The following BET1 variants were observed in gnomAD, a reference collection of about 807,000 sequenced individuals.
The protein encoded by BET1 is Bet1 golgi vesicular membrane trafficking protein.
A neutral mutation model predicts 13.9 loss-of-function variants in BET1; 9 were observed. The ratio of observed to expected loss-of-function variants is 0.65; its 90% CI spans 0.39 to 1.13. The LOEUF (loss-of-function observed/expected upper bound fraction) is 1.13, where lower values mean the gene tolerates loss of function less well. Ranked by LOEUF, BET1 falls within the 50% of genes most tolerant of loss-of-function variation. The pLI is 0.01. For synonymous variants in BET1, 39 were observed against 47.3 expected (o/e 0.82, Z 0.72); for missense variants, 127 against 133.6 (o/e 0.95, Z 0.24).
At chr7:94,000,271 A>ATT (rs35875914) in intron 1 of BET1, 116 of 142,642 alleles carry the variant, frequency 8.1e-4, no homozygotes, top group African/African-American at 2.5e-3. Context: ...CACCTGGCTA[A>ATT]TTTTTTTTTT....
At chr7:93,993,111 C>T (rs968521984), downstream of BET1, 21 of 980,860 alleles carry the variant, frequency 2.1e-5, no homozygotes, top group Middle Eastern at 1.0e-3. Context: ...GAAATAGAGT[C>T]AAGATTTGCT....
Position 93,994,063 on chromosome 7 carries a change from G to T in BET1, c.*167C>A, listed in dbSNP as rs1047737178. 4.8e-6 allele frequency: 7 copies of T among 1,454,468 alleles called. No homozygotes were observed. In the East Asian group the frequency reaches 9.9e-5, roughly 21 times the overall value. The allele number at this position is 1,454,468 out of a possible 1,614,324, so 90.1% of individuals were successfully genotyped here. A position where few individuals can be genotyped will look rare whatever the true frequency, so the allele number is the denominator to read the frequency against. On this transcript the variant is annotated 3_prime_UTR_variant, in exon 4 of 4. Transcript: ENST00000222547. ...GAGTCATTAAGAAACAGTATTCAAA[G>T]ACCACTGTATTAACTAATGTGATTT... is the stretch of plus-strand genomic sequence containing the variant.
downstream of BET1, among the ~76,000 whole-genome samples, chr7:93,988,422 G>A (rs772562604): frequency 8.5e-5 from 13 of 152,130 alleles, no homozygotes; most frequent in Admixed American, 3.9e-4. Context: ...CATAGCAGAT[G>A]CTACAGTTTA....
chr7:93,977,585 A>C (rs988810628), intron 4 of BET1, among the ~76,000 whole-genome samples: 2 of 152,130 alleles, frequency 1.3e-5, no homozygotes, highest in Admixed American at 6.6e-5. Flanking sequence ...ACTCACTTCT[A>C]TCTGGCACAA....
intron 4 of BET1, among the ~76,000 whole-genome samples, chr7:93,985,600 A>AAACTGTATTGTAATGTATTCAAACTG (rs1795511702): frequency 6.6e-6 from 1 of 151,946 alleles, no homozygotes; most frequent in Non-Finnish European, 1.5e-5. Flanking sequence ...TATTCAAACT[A>AAACTGTATTGTAATGTATTCAAACTG]TATTGTAATG....
At chr7:93,976,236 G>T (rs970771711) in intron 4 of BET1, 2 of 599,128 alleles carry the variant, frequency 3.3e-6, no homozygotes, top group East Asian at 7.1e-5. Flanking sequence ...TTAATGGAAG[G>T]CTTATGTGAT....
Position 93,993,403 on chromosome 7 carries a change from T to A in BET1, c.*827A>T. The stretch of plus-strand genomic sequence containing the variant: ...AAACAAATACACTGGATTAAAGCAA[T>A]AATACTCTTATCTTCAAGTTCAATG... On this transcript the variant is annotated 3_prime_UTR_variant, in exon 4 of 4. Coordinates refer to ENST00000222547, the MANE Select transcript of BET1 (RefSeq NM_005868.6). The A allele has an allele frequency of 1.0e-6, 1 of 982,602 alleles. No individual in the cohort carries two copies. Among genetic ancestry groups the A allele is most frequent in the Non-Finnish European group, 1.2e-6 (1 of 826,940 alleles). 60.9% of individuals were successfully genotyped at this position (982,602 alleles called of 1,614,324 possible). A position where few individuals can be genotyped will look rare whatever the true frequency, so the allele number is the denominator to read the frequency against.
chr7:93,994,252 TA>T lies in BET1; in HGVS notation c.334del (p.Tyr112IlefsTer6). On this transcript the variant is annotated frameshift_variant, in exon 4 of 4. Coordinates refer to ENST00000222547, the MANE Select transcript of BET1 (RefSeq NM_005868.6). LOFTEE classifies it high-confidence loss of function. ...LFSLFVFFII[Y>X]WIIKLR Reference sequence around the variant, plus strand: ...GCATCACCTCAGTTTAATAATCCAATAAATGATAAAAAAGACAAATAAAGAA... The same window carrying T: ...GCATCACCTCAGTTTAATAATCCAATAATGATAAAAAAGACAAATAAAGAA... 1 of 1,607,864 alleles carries T rather than the reference TA, an allele frequency of 6.2e-7. No individual in the cohort carries two copies. The highest frequency in any genetic ancestry group is 1.1e-5 in the South Asian group (1 of 89,108).
rs1562798428 is a variant in BET1 at position 93,966,604 on chromosome 7, C to CAAAAGAGG, written c.*138-918_*138-917insCCTCTTTT. Among the ~76,000 whole-genome samples the CAAAAGAGG allele has an allele frequency of 2.1e-5, 3 of 142,608 alleles. No homozygotes were observed. The East Asian group carries it at 6.1e-4, about 29-fold the overall frequency. The allele number at this position is 142,608 out of a possible 152,430, so 93.6% of individuals were successfully genotyped here. On this transcript the variant is annotated intron_variant and NMD_transcript_variant, in intron 6 of 6. Coordinates refer to the BET1 transcript ENST00000357520. ...GACGGAGGTACCAGGAAAAATTCCT[C>CAAAAGAGG]TTTTTTTTTTTTTGGTGGGAGATAG...
At position 93,993,483 on chromosome 7, in the gene BET1, C is replaced by T. The variant is rs1256865730; in HGVS notation, c.*747G>A. 1 of 981,846 alleles carries T rather than the reference C, an allele frequency of 1.0e-6. No homozygotes were observed. Among genetic ancestry groups the T allele is most frequent in the Non-Finnish European group, 1.2e-6 (1 of 824,674 alleles). 60.8% of individuals were successfully genotyped at this position (981,846 alleles called of 1,614,324 possible). On this transcript the variant is annotated 3_prime_UTR_variant, in exon 4 of 4. Transcript: ENST00000222547. ...AAAGTTCAGTAATTACTTAACTTCA[C>T]ATTATTCTGTCACAAATGATAAATG...
chr7:93,978,533 T>A (rs1415050349), intron 4 of BET1, among the ~76,000 whole-genome samples: 4 of 152,220 alleles, frequency 2.6e-5, no homozygotes, highest in African/African-American at 9.6e-5. Flanking sequence ...TGTTAGAGTT[T>A]CTGAACTCTG....
chr7:93,993,755 A>C lies in BET1; in HGVS notation c.*475T>G. Reference sequence around the variant, plus strand: ...ATCAGCCTACAATTTTAACTAAATAAAGGAGGAGAAGGGAGTATATCATTA... The same window carrying C: ...ATCAGCCTACAATTTTAACTAAATACAGGAGGAGAAGGGAGTATATCATTA... On this transcript the variant is annotated 3_prime_UTR_variant, in exon 4 of 4. Coordinates refer to ENST00000222547, the MANE Select transcript of BET1 (RefSeq NM_005868.6). 7.4e-7 allele frequency: 1 copy of C among 1,356,008 alleles called. No homozygotes were observed. The highest frequency in any genetic ancestry group is 9.4e-7 in the Non-Finnish European group (1 of 1,060,686). The allele number at this position is 1,356,008 out of a possible 1,614,324, so 84.0% of individuals were successfully genotyped here. A position where few individuals can be genotyped will look rare whatever the true frequency, so the allele number is the denominator to read the frequency against.
chr7:93,997,533 T>C (rs1475971323), intron 2 of BET1, among the ~76,000 whole-genome samples: 1 of 152,232 alleles, frequency 6.6e-6, no homozygotes, highest in Non-Finnish European at 1.5e-5. Context: ...CAATATTACT[T>C]AGTTCATAAA....
chr7:93,992,349 A>C (rs1487039285), downstream of BET1: 16 of 985,294 alleles, frequency 1.6e-5, no homozygotes, highest in Non-Finnish European at 1.9e-5. Context: ...AAATAGCTAA[A>C]CAATCCTGAA....
chr7:93,972,895 T>G (rs1472664992), intron 5 of BET1, among the ~76,000 whole-genome samples: 1 of 151,558 alleles, frequency 6.6e-6, no homozygotes, highest in Non-Finnish European at 1.5e-5. Flanking sequence ...TGGAGGAAAC[T>G]GTACATTTCA....
intron 2 of BET1, 39 bp from the exon 3 acceptor site, chr7:93,996,360 A>ATGTG: frequency 7.3e-7 from 1 of 1,371,120 alleles, no homozygotes; most frequent in Non-Finnish European, 9.9e-7. Flanking sequence ...ACTCACATAA[A>ATGTG]AGTATTCAAG....
intron 6 of BET1, among the ~76,000 whole-genome samples, chr7:93,966,732 T>C (rs1282285665): frequency 1.3e-5 from 2 of 151,778 alleles, no homozygotes; most frequent in African/African-American, 4.8e-5. Context: ...TAGAGCTATT[T>C]GGATATCAGC....
chr7:93,988,091 G>A (rs927440432), intron 4 of BET1, among the ~76,000 whole-genome samples: 1 of 152,160 alleles, frequency 6.6e-6, no homozygotes, highest in Non-Finnish European at 1.5e-5. Context: ...ATTTTAGTGA[G>A]AGGTGATTAA....
rs908291889 is a variant in BET1 at position 94,002,792 on chromosome 7, C to A, written c.19+1406G>T. On this transcript the variant is annotated intron_variant, in intron 1 of 3. Coordinates refer to ENST00000222547, the MANE Select transcript of BET1 (RefSeq NM_005868.6). Reference sequence around the variant, plus strand: ...AAACTGGCTTAATCATAATCCCTTACTTCTTTTGAGTTCCTCCTATCTGGA... The same window carrying A: ...AAACTGGCTTAATCATAATCCCTTAATTCTTTTGAGTTCCTCCTATCTGGA... 2.6e-5 allele frequency among the ~76,000 whole-genome samples: 4 copies of A among 152,158 alleles called. No individual in the cohort carries two copies. The East Asian group carries it at 5.8e-4, about 22-fold the overall frequency.
Sources: allele counts gnomAD v4.1 joint callset (sites outside exome capture counted in the v4.1 genomes callset), GRCh38; gene constraint gnomAD v4.1.1; transcripts MANE v1.5; gene names NCBI Gene and HGNC (gene_info 2026-07-23, HGNC 2026-07-21).